GPR19: variants seen among roughly 807,000 people sequenced by gnomAD.
GPR19 encodes the protein G protein-coupled receptor 19.
In GPR19, 14 loss-of-function variants were observed where a neutral mutation model predicts 28.5. The observed-to-expected ratio is 0.49, with a 90% confidence interval of 0.32 to 0.77. The LOEUF is 0.77. GPR19 is among the 30% of genes least tolerant of loss of function. GPR19 has a pLI of 0.03. For missense variants in GPR19, 409 were observed against 504.1 expected (o/e 0.81, Z 1.81); for synonymous variants, 173 against 184.1 (o/e 0.94, Z 0.49).
At chr12:12,706,143 T>G in the GPR19 span, among the ~76,000 whole-genome samples, 2 of 152,206 alleles carry the variant, frequency 1.3e-5, no homozygotes, top group Non-Finnish European at 2.9e-5. Context: ...CAGTCAGGCT[T>G]TCACATCTTT....
At chr12:12,703,381 T>G in the GPR19 span, 1 of 985,414 alleles carries the variant, frequency 1.0e-6, no homozygotes, top group Non-Finnish European at 1.2e-6. Context: ...TGAGTGCGTG[T>G]TCGTGTGTGT....
intron 3 of GPR19, among the ~76,000 whole-genome samples, chr12:12,667,061 A>G (rs1180167223): frequency 1.3e-5 from 2 of 151,844 alleles, no homozygotes; most frequent in African/African-American, 4.9e-5. Context: ...CCCCTGCTCC[A>G]TTAATTTAGA....
chr12:12,685,257 A>C (rs1946076777), intron 2 of GPR19, among the ~76,000 whole-genome samples: 1 of 128,100 alleles, frequency 7.8e-6, no homozygotes, highest in African/African-American at 2.8e-5. Context: ...TCACTCTTTA[A>C]ATATGGTCTT....
upstream of GPR19, among the ~76,000 whole-genome samples, chr12:12,699,681 AG>A (rs998119145): frequency 6.6e-5 from 10 of 152,214 alleles, no homozygotes; most frequent in Admixed American, 5.9e-4. Flanking sequence ...GGGAGAAAGA[AG>A]GGCAAATTTG....
chr12:12,667,176 G>A (rs1413803820), intron 3 of GPR19, among the ~76,000 whole-genome samples: 1 of 152,150 alleles, frequency 6.6e-6, no homozygotes, highest in Non-Finnish European at 1.5e-5. Flanking sequence ...TGACAAGAAA[G>A]GCTTCTTCAC....
chr12:12,695,609 G>C (rs1347758799), intron 1 of GPR19, 98 bp from the exon 2 acceptor site: 2 of 152,080 alleles, frequency 1.3e-5, no homozygotes, highest in Non-Finnish European at 2.9e-5. Context: ...ATTCCACCTC[G>C]GCCTGTGTTC....
Position 12,661,082 on chromosome 12 carries a change from T to G in GPR19, c.*119A>C. ...AAACTACAGTAAACAAATGAATGCA[T>G]TTTACAAAATAAAACATTTCCCTTG... On this transcript the variant is annotated 3_prime_UTR_variant, in exon 4 of 4. Transcript: ENST00000651487. The surrounding 1 kb of genome is among the most constrained non-coding windows in gnomAD (Gnocchi z 4.2). 1 of 702,520 alleles carries G rather than the reference T, an allele frequency of 1.4e-6. No individual in the cohort carries two copies. Among genetic ancestry groups the G allele is most frequent in the Non-Finnish European group, 2.3e-6 (1 of 443,654 alleles). The allele number at this position is 702,520 out of a possible 1,614,324, so 43.5% of individuals were successfully genotyped here. A position where few individuals can be genotyped will look rare whatever the true frequency, so the allele number is the denominator to read the frequency against.
In GPR19 at chr12:12,661,426, C is replaced by G; in HGVS notation, c.1023G>C (p.Met341Ile). 6.2e-7 allele frequency: 1 copy of G among 1,612,960 alleles called. No homozygotes were observed. The highest frequency in any genetic ancestry group is 2.2e-5 in the East Asian group (1 of 44,876). ...TAGAGGACATGCAAAAAGTCTCTTT[C>G]ATCCCTCTCCGAAAATTGGCATTAT... ...SIYNANFRRG[M>I]KETFCMSSMK... The change falls in exon 4 of 4, where the codon ATG becomes ATC. Residue 341 changes from methionine (M) to isoleucine (I), a missense_variant. Physicochemically the swap from Met to Ile is conservative, Grantham distance 10 (BLOSUM62 1). Transcript: ENST00000651487. The surrounding 1 kb of genome is among the most constrained non-coding windows in gnomAD (Gnocchi z 4.2).
chr12:12,665,306 G>A (rs1945753442), intron 3 of GPR19, among the ~76,000 whole-genome samples: 1 of 152,136 alleles, frequency 6.6e-6, no homozygotes, highest in South Asian at 2.1e-4. Context: ...AAGCCCGGAG[G>A]CGGGGGGCCC....
chr12:12,673,694 A>T lies in GPR19; in HGVS notation c.-23+10657T>A, dbSNP rs556461119. 1.6e-4 allele frequency among the ~76,000 whole-genome samples: 25 copies of T among 152,308 alleles called. No homozygotes were observed. In the South Asian group the frequency reaches 3.3e-3, roughly 20 times the overall value. On this transcript the variant is annotated intron_variant, in intron 3 of 3. Transcript: ENST00000651487. ...ACCCTGGTGTAGGAATGAGCTTGTT[A>T]TGTGGCTACAGCATATGAATACCAA...
intron 2 of GPR19, 29 bp from the exon 3 acceptor site, chr12:12,684,536 A>G (rs1946067222): frequency 6.6e-6 from 1 of 152,282 alleles, no homozygotes; most frequent in African/African-American, 2.4e-5. Context: ...GACGCTGTGC[A>G]GGGTAGACTG....
At chr12:12,664,881 C>G (rs1291276488) in intron 3 of GPR19, among the ~76,000 whole-genome samples, 1 of 139,296 alleles carries the variant, frequency 7.2e-6, no homozygotes, top group Non-Finnish European at 1.5e-5. Context: ...GATCGCGCCA[C>G]TGCACTCCAG....
intron 3 of GPR19, among the ~76,000 whole-genome samples, chr12:12,669,829 CTCTTCTGAAGCT>C (rs1362764506): frequency 6.6e-6 from 1 of 152,180 alleles, no homozygotes; most frequent in Non-Finnish European, 1.5e-5. Context: ...GCCACACAAG[CTCTTCTGAAGCT>C]TCCTAACTGA....
At chr12:12,713,927 C>G in the GPR19 span, among the ~76,000 whole-genome samples, 3 of 152,288 alleles carry the variant, frequency 2.0e-5, no homozygotes, top group Admixed American at 6.5e-5. Flanking sequence ...ATTGTTTCTC[C>G]ATAGCATTTT....
chr12:12,714,547 G>C, the GPR19 span, among the ~76,000 whole-genome samples: 38,735 of 152,084 alleles, frequency 0.25, 5,139 homozygotes, highest in African/African-American at 0.32. Flanking sequence ...GCCCTAAGTA[G>C]GAAAACAGCA....
At chr12:12,662,551 T>G in intron 3 of GPR19, 81 bp from the exon 4 acceptor site, 1 of 1,023,308 alleles carries the variant, frequency 9.8e-7, no homozygotes, top group East Asian at 2.4e-5. Flanking sequence ...GCTAACGATC[T>G]TATTTGACAT....
At chr12:12,702,172 T>A in the GPR19 span, among the ~76,000 whole-genome samples, 3 of 151,976 alleles carry the variant, frequency 2.0e-5, no homozygotes, top group Middle Eastern at 3.2e-3. Context: ...ACTAGCCTTA[T>A]GGTTTGTACA....
chr12:12,665,922 C>T (rs1945771447), intron 3 of GPR19, among the ~76,000 whole-genome samples: 1 of 146,712 alleles, frequency 6.8e-6, no homozygotes, highest in South Asian at 2.2e-4. Flanking sequence ...CTGCTAAGAA[C>T]AGAACTTTGT....
chr12:12,679,542 A>G (rs918263854), intron 3 of GPR19, among the ~76,000 whole-genome samples: 1 of 67,796 alleles, frequency 1.5e-5, no homozygotes, highest in Non-Finnish European at 2.9e-5. Flanking sequence ...ACTAACAAGC[A>G]CAAGATAGGG....
Sources: gnomAD v4.1 joint callset for allele counts (sites outside exome capture counted in the v4.1 genomes callset) on GRCh38, gnomAD v4.1.1 for gene constraint, Gnocchi (gnomAD v3.1) non-coding constraint, MANE v1.5 for transcripts, NCBI Gene and HGNC (gene_info 2026-07-23, HGNC 2026-07-21) for gene names.